The following SLCO1B3 variants were observed in gnomAD, a reference collection of about 807,000 sequenced individuals.
SLCO1B3 encodes the protein liver-specific organic anion transporter 2.
A neutral mutation model predicts 71.8 loss-of-function variants in SLCO1B3; 72 were observed. The ratio of observed to expected loss-of-function variants is 1.00; its 90% CI spans 0.83 to 1.22. SLCO1B3 has a LOEUF of 1.22. Ranked by LOEUF, SLCO1B3 falls within the 50% of genes most tolerant of loss-of-function variation. The pLI is 0.00. For synonymous variants in SLCO1B3, 298 were observed against 278.4 expected (o/e 1.07, Z -0.70); for missense variants, 911 against 819.7 (o/e 1.11, Z -1.36).
At chr12:20,825,421 A>G (rs955356341) in intron 3 of SLCO1B3, among the ~76,000 whole-genome samples, 4 of 152,102 alleles carry the variant, frequency 2.6e-5, no homozygotes, top group African/African-American at 9.7e-5. Context: ...GGGTCTGAAG[A>G]TGAGGGTTTG....
intron 8 of SLCO1B3, among the ~76,000 whole-genome samples, chr12:20,870,630 C>G (rs891829181): frequency 6.6e-6 from 1 of 152,144 alleles, no homozygotes; most frequent in African/African-American, 2.4e-5. Context: ...GATCAGATGA[C>G]TGTATACACA....
chr12:20,863,177 T>C (rs943792787), intron 8 of SLCO1B3, among the ~76,000 whole-genome samples: 5 of 152,172 alleles, frequency 3.3e-5, no homozygotes, highest in African/African-American at 1.2e-4. Flanking sequence ...TGATGGTGAC[T>C]TGGATGTTGA....
At chr12:20,825,040 G>A (rs34484512) in intron 3 of SLCO1B3, among the ~76,000 whole-genome samples, 22,904 of 151,904 alleles carry the variant, frequency 0.15, 1,937 homozygotes, top group African/African-American at 0.23. Context: ...GACTGCATGA[G>A]GCCAATTAAA....
chr12:20,897,102 G>A (rs1866024659), intron 13 of SLCO1B3, among the ~76,000 whole-genome samples: 1 of 152,176 alleles, frequency 6.6e-6, no homozygotes, highest in Non-Finnish European at 1.5e-5. Flanking sequence ...TGAGATTTAA[G>A]TAGGGACACA....
At chr12:20,877,610 G>T (rs950082162) in intron 9 of SLCO1B3, among the ~76,000 whole-genome samples, 162 bp from the exon 10 acceptor site, 1 of 152,080 alleles carries the variant, frequency 6.6e-6, no homozygotes, top group African/African-American at 2.4e-5. Flanking sequence ...TTAACAATTT[G>T]GTTAATTCAC....
At chr12:20,868,828 A>G (rs10841683) in intron 8 of SLCO1B3, among the ~76,000 whole-genome samples, 109,605 of 151,548 alleles carry the variant, frequency 0.72, 42,230 homozygotes, top group South Asian at 0.9. Flanking sequence ...GGTCACGTGG[A>G]TCACATGTCC....
At chr12:20,845,154 C>A (rs16923231) in intron 3 of SLCO1B3, 1 of 461,046 alleles carries the variant, frequency 2.2e-6, no homozygotes, top group South Asian at 1.7e-5. Context: ...TTGAGCTCAC[C>A]GGGCTGATTG....
chr12:20,853,980 G>C (rs1865078496), intron 3 of SLCO1B3, among the ~76,000 whole-genome samples: 2 of 150,442 alleles, frequency 1.3e-5, no homozygotes, highest in South Asian at 4.2e-4. Flanking sequence ...GGTTGTGTAA[G>C]AAAGAATTTT....
intron 13 of SLCO1B3, among the ~76,000 whole-genome samples, chr12:20,884,288 T>C (rs1865750365): frequency 6.6e-6 from 1 of 152,160 alleles, no homozygotes; most frequent in Non-Finnish European, 1.5e-5. Context: ...AATTGCTGTT[T>C]GTCTTAATAA....
intron 3 of SLCO1B3, among the ~76,000 whole-genome samples, chr12:20,841,208 C>T (rs1329914939): frequency 6.6e-6 from 1 of 151,950 alleles, no homozygotes; most frequent in Non-Finnish European, 1.5e-5. Flanking sequence ...AGTGGTTTGC[C>T]ACATGTCCTC....
chr12:20,877,207 CA>C lies in SLCO1B3; in HGVS notation c.971-558del, dbSNP rs1181352818. 4.6e-5 allele frequency among the ~76,000 whole-genome samples: 7 copies of C among 150,618 alleles called. No homozygotes were observed. The South Asian group carries it at 1.1e-3, about 23-fold the overall frequency. ...AAAGAATAAAGAAGATAATAAGGTG[CA>C]AAAAAAGGGGCAACTGTAAACATTT... On this transcript the variant is annotated intron_variant, in intron 9 of 15. Transcript: ENST00000381545.
intron 1 of SLCO1B3, among the ~76,000 whole-genome samples, chr12:20,812,825 G>T (rs531108657): frequency 6.6e-6 from 1 of 152,050 alleles, no homozygotes; most frequent in Non-Finnish European, 1.5e-5. Flanking sequence ...TAAAGAAAAA[G>T]AAAACTCTAA....
chr12:20,916,341 A>G lies in SLCO1B3; in HGVS notation c.*94A>G. ...CTTTACTTACAGTGGACCAATGGAT[A>G]AGTCTATGCATCTATAATAAACTAT... is the stretch of plus-strand genomic sequence containing the variant. On this transcript the variant is annotated 3_prime_UTR_variant, in exon 16 of 16. Transcript: ENST00000381545. 8.6e-7 allele frequency: 1 copy of G among 1,156,192 alleles called. No homozygotes were observed. The highest frequency in any genetic ancestry group is 1.2e-6 in the Non-Finnish European group (1 of 803,366). 71.6% of individuals were successfully genotyped at this position (1,156,192 alleles called of 1,614,324 possible). A position where few individuals can be genotyped will look rare whatever the true frequency, so the allele number is the denominator to read the frequency against.
intron 3 of SLCO1B3, among the ~76,000 whole-genome samples, chr12:20,826,127 C>T (rs1179347501): frequency 6.6e-6 from 1 of 151,646 alleles, no homozygotes; most frequent in Non-Finnish European, 1.5e-5. Context: ...AGAGTGTGTT[C>T]CGGGTGATAA....
intron 1 of SLCO1B3, among the ~76,000 whole-genome samples, chr12:20,811,186 C>T (rs528585150): frequency 8.1e-4 from 123 of 152,104 alleles, no homozygotes; most frequent in Non-Finnish European, 2.2e-4. Context: ...TAGGAGTGGG[C>T]GGGTGGAGGG....
intron 13 of SLCO1B3, among the ~76,000 whole-genome samples, chr12:20,891,823 T>C (rs951635250): frequency 2.0e-5 from 3 of 152,108 alleles, no homozygotes; most frequent in African/African-American, 7.2e-5. Flanking sequence ...TTGTTAAAGC[T>C]TTCAGAAGTA....
chr12:20,851,809 TC>T (rs34626423), intron 3 of SLCO1B3, among the ~76,000 whole-genome samples: 131,168 of 152,116 alleles, frequency 0.86, 56,710 homozygotes, highest in East Asian at 0.99. Flanking sequence ...AGGCATTTAA[TC>T]CCATTTTGAG....
chr12:20,869,264 A>C (rs7953425), intron 8 of SLCO1B3, among the ~76,000 whole-genome samples: 110,165 of 152,100 alleles, frequency 0.72, 42,506 homozygotes, highest in South Asian at 0.9. Context: ...CACTGCTAGA[A>C]CAAGGAGCCC....
intron 1 of SLCO1B3, among the ~76,000 whole-genome samples, chr12:20,811,610 G>A (rs1222405139): frequency 3.9e-5 from 6 of 152,176 alleles, no homozygotes. Flanking sequence ...GCAGAGGCTG[G>A]TAAGATTCTG....
Sources: allele counts gnomAD v4.1 joint callset (sites outside exome capture counted in the v4.1 genomes callset), GRCh38; gene constraint gnomAD v4.1.1; transcripts MANE v1.5; gene names NCBI Gene and HGNC (gene_info 2026-07-23, HGNC 2026-07-21).